The following SEC14L2 variants were observed in gnomAD, a reference collection of about 807,000 sequenced individuals.
The protein encoded by SEC14L2 is SEC14-like protein 2.
SEC14L2 carries 50 observed loss-of-function variants against 56.9 expected under a neutral mutation model. The observed-to-expected ratio is 0.88, with a 90% CI of 0.70 to 1.11. SEC14L2 has a LOEUF of 1.11. SEC14L2 is among the 50% of genes most tolerant of loss of function. The pLI, the probability that SEC14L2 is intolerant of heterozygous loss-of-function variation, is 0.00. For synonymous variants in SEC14L2, 179 were observed against 188.5 expected (o/e 0.95, Z 0.41); for missense variants, 414 against 500.7 (o/e 0.83, Z 1.65).
intron 8 of SEC14L2, among the ~76,000 whole-genome samples, chr22:30,413,854 C>CT (rs1426873851): frequency 6.8e-6 from 1 of 146,134 alleles, no homozygotes; most frequent in Admixed American, 6.8e-5. Context: ...ATTCTTTTTT[C>CT]TTTTTTGAGG....
chr22:30,404,323 C>T (rs2283870), intron 2 of SEC14L2, among the ~76,000 whole-genome samples: 24,114 of 152,190 alleles, frequency 0.16, 2,540 homozygotes, highest in South Asian at 0.39. Context: ...AGGACGTGTC[C>T]GGCACCTGTG....
chr22:30,412,738 C>T (rs764885396), intron 8 of SEC14L2, among the ~76,000 whole-genome samples: 2 of 150,372 alleles, frequency 1.3e-5, no homozygotes, highest in Non-Finnish European at 3.0e-5. Context: ...GTGGGAGGAT[C>T]GCTTAGCCCA....
rs143323876 is a variant in SEC14L2, at chr22:30,418,341, C to T, written c.1081+1938C>T. ...GAATCCTAGAGTCCTGATCCAGAAC[C>T]TCTTGGCCATTGACTGTCCTGGATG... On this transcript the variant is annotated intron_variant, in intron 11 of 11. Coordinates refer to ENST00000615189, the MANE Select transcript of SEC14L2 (RefSeq NM_012429.5). Among the ~76,000 whole-genome samples the T allele has an allele frequency of 1.6e-3, 243 of 152,288 alleles. 1 individual carries two copies. The highest frequency in any genetic ancestry group is 5.4e-3 in the African/African-American group (224 of 41,564).
chr22:30,407,706 G>T, intron 5 of SEC14L2, 103 bp downstream of exon 5: 1 of 994,454 alleles, frequency 1.0e-6, no homozygotes, highest in Non-Finnish European at 1.4e-6. Context: ...CAGGGCCAAG[G>T]CCCAGCCTTT....
rs1934638398 is a variant in SEC14L2, at chr22:30,425,260, G to A, written c.*2853G>A. ...ACATGGAGAGTCCTTTAGCGAACAT[G>A]TAGACTGGCAATAAACTCAATAAAT... On this transcript the variant is annotated 3_prime_UTR_variant, in exon 12 of 12. Transcript: ENST00000615189. The A allele has an allele frequency of 1.2e-5, 2 of 170,882 alleles. No homozygotes were observed. Among genetic ancestry groups the A allele is most frequent in the African/African-American group, 4.8e-5 (2 of 41,714 alleles). 10.6% of individuals were successfully genotyped at this position (170,882 alleles called of 1,614,324 possible).
intron 11 of SEC14L2, chr22:30,421,317 T>G (rs2146045104): frequency 6.6e-6 from 1 of 152,306 alleles, no homozygotes; most frequent in East Asian, 1.9e-4. Flanking sequence ...CATCAGAGAA[T>G]CTGGGAGTCT....
chr22:30,411,761 A>AAAAAAAAAAAAAAAAAAAAAAAG (rs1555997934), intron 8 of SEC14L2, among the ~76,000 whole-genome samples: 1 of 142,720 alleles, frequency 7.0e-6, no homozygotes, highest in African/African-American at 2.7e-5. Flanking sequence ...AAAAAAAAAA[A>AAAAAAAAAAAAAAAAAAAAAAAG]GGGGTCCCTT....
intron 11 of SEC14L2, chr22:30,420,432 C>T (rs968658585): frequency 1.3e-5 from 2 of 152,220 alleles, no homozygotes; most frequent in African/African-American, 4.8e-5. Flanking sequence ...CTGATCAACC[C>T]CTTTCTTGTT....
chr22:30,419,993 G>T (rs1464230877), intron 11 of SEC14L2, among the ~76,000 whole-genome samples: 2 of 142,836 alleles, frequency 1.4e-5, no homozygotes, highest in East Asian at 2.0e-4. Flanking sequence ...TGCTCTTGTT[G>T]CCCAGGATGG....
At position 30,410,582 on chromosome 22, in the gene SEC14L2, G is replaced by C. The variant is rs1736859582; in HGVS notation, c.581-14G>C. On this transcript the variant is annotated splice_polypyrimidine_tract_variant and intron_variant, in intron 7 of 11. Transcript: ENST00000615189. ...CACTGCTCCCAGCCTCACATTATCT[G>C]GTCTCTGTTCCAGCCCCCAAACTGT... 1.9e-6 allele frequency: 3 copies of C among 1,612,588 alleles called. No homozygotes were observed. The highest frequency in any genetic ancestry group is 1.7e-6 in the Non-Finnish European group (2 of 1,178,558).
intron 2 of SEC14L2, among the ~76,000 whole-genome samples, chr22:30,401,186 G>GATTTATTTATTT (rs55835116): frequency 5.9e-4 from 86 of 146,426 alleles, no homozygotes; most frequent in Admixed American, 1.0e-3. Context: ...GGTCTCAAGT[G>GATTTATTTATTT]ATTTATTTAT....
chr22:30,408,428 C>CA (rs1000783329), intron 5 of SEC14L2, among the ~76,000 whole-genome samples: 5 of 151,638 alleles, frequency 3.3e-5, no homozygotes, highest in East Asian at 1.9e-4. Context: ...CCTGTCTCTA[C>CA]AAAAAAAAGT....
rs191201083 is a variant in SEC14L2, at chr22:30,420,178, C to T, written c.1082-2099C>T. On this transcript the variant is annotated intron_variant, in intron 11 of 11. Coordinates refer to ENST00000615189, the MANE Select transcript of SEC14L2 (RefSeq NM_012429.5). ...GTGTTCGTTAGGCTGGTCTTGAACT[C>T]CCGGCCTCAGGTGATCCACCCGCCT... Among the ~76,000 whole-genome samples the T allele has an allele frequency of 5.0e-3, 765 of 152,288 alleles. 3 individuals carry two copies. The highest frequency in any genetic ancestry group is 0.017 in the African/African-American group (727 of 41,554).
At position 30,398,129 on chromosome 22, in the gene SEC14L2, A is replaced by G. The variant is rs535755983; in HGVS notation, c.54+959A>G. 2.0e-5 allele frequency among the ~76,000 whole-genome samples: 3 copies of G among 152,350 alleles called. No homozygotes were observed. The East Asian group carries it at 5.8e-4, about 29-fold the overall frequency. On this transcript the variant is annotated intron_variant, in intron 1 of 11. Transcript: ENST00000615189. The stretch of plus-strand genomic sequence containing the variant: ...GCAGCAGTGGGGAGGCACCAGCTCC[A>G]TAAAGCCTCTGTCCCAGGCTGGGCC...
rs750762042 is a variant in SEC14L2, at chr22:30,415,848, C to T, written c.754C>T (p.Pro252Ser). The T allele has an allele frequency of 1.2e-6, 2 of 1,614,162 alleles. No homozygotes were observed. The highest frequency in any genetic ancestry group is 1.7e-6 in the Non-Finnish European group (2 of 1,180,028). The change falls in exon 9 of 12, where the codon CCC (proline) becomes TCC (serine). Residue 252 changes from proline (P) to serine (S), a missense_variant. Coordinates refer to ENST00000615189, the MANE Select transcript of SEC14L2 (RefSeq NM_012429.5). ...GGTMTDPDGN[P>S]KCKSKINYGG... is the part of the protein sequence containing the mutation. ...CACCATGACTGACCCTGATGGAAAC[C>T]CCAAGTGCAAATCCAAGGTATGAGC...
chr22:30,410,793 G>A (rs1464198123), intron 8 of SEC14L2, 114 bp downstream of exon 8: 1 of 958,432 alleles, frequency 1.0e-6, no homozygotes, highest in South Asian at 1.4e-5. Context: ...GCTAGTTTGG[G>A]AGCAGTGGGA....
chr22:30,416,181 G>A (rs879193153), intron 10 of SEC14L2, 53 bp from the exon 11 acceptor site: 37 of 1,608,978 alleles, frequency 2.3e-5, no homozygotes, highest in African/African-American at 1.2e-4. Context: ...CCAGGACCCC[G>A]GAGAGGGCAC....
rs1025505105 is a variant in SEC14L2 at position 30,416,318 on chromosome 22, G to T, written c.996G>T (p.Glu332Asp). 5.6e-6 allele frequency: 9 copies of T among 1,614,140 alleles called. No homozygotes were observed. The Admixed American group carries it at 8.3e-5, about 15-fold the overall frequency. ...TKMGERQRAG[E>D]MTEVLPNQRY... ...TGGGAGAGAGGCAGCGGGCAGGGGA[G>T]ATGACAGAGGTGCTGCCCAACCAGA... Residue 332 changes from glutamate to aspartate, a missense_variant, in exon 11 of 12, where the codon GAG becomes GAT. Coordinates refer to ENST00000615189, the MANE Select transcript of SEC14L2 (RefSeq NM_012429.5).
chr22:30,417,977 G>GGT (rs1159707367), intron 11 of SEC14L2, among the ~76,000 whole-genome samples: 1 of 152,228 alleles, frequency 6.6e-6, no homozygotes, highest in South Asian at 2.1e-4. Flanking sequence ...TGGGGGAGAA[G>GGT]GTGTATACTG....
Sources: allele counts gnomAD v4.1 joint callset (sites outside exome capture counted in the v4.1 genomes callset), GRCh38; gene constraint gnomAD v4.1.1; transcripts MANE v1.5; gene names NCBI Gene and HGNC (gene_info 2026-07-23, HGNC 2026-07-21).